Variants in PTGIS observed in about 807,000 individuals in gnomAD.
PTGIS encodes the protein prostacyclin synthase.
PTGIS carries 45 observed loss-of-function variants against 50.3 expected under a neutral mutation model. The ratio of observed to expected loss-of-function variants is 0.90; its 90% CI spans 0.70 to 1.15. The LOEUF (loss-of-function observed/expected upper bound fraction) is 1.15, where lower values mean the gene tolerates loss of function less well. PTGIS is among the 50% of genes most tolerant of loss of function. The probability of loss-of-function intolerance (pLI) is 0.00; values close to 1 mark genes in which losing one functional copy is unlikely to be tolerated. For synonymous variants in PTGIS, 260 were observed against 267.7 expected, an observed-to-expected ratio of 0.97 and a Z score of 0.28; for missense variants, 668 against 661.3, an observed-to-expected ratio of 1.01 and a Z score of -0.11.
Position 49,540,511 on chromosome 20 carries a change from G to A in PTGIS, c.522-790C>T, listed in dbSNP as rs981895942. Among the ~76,000 whole-genome samples, 2 of 152,138 alleles carry A rather than the reference G, an allele frequency of 1.3e-5. No individual in the cohort carries two copies. The highest frequency in any genetic ancestry group is 4.8e-5 in the African/African-American group (2 of 41,430). ...GGCCTGGGCTGTCAGGGCTGGCCACGCAAGGCAGGCATTTGCAGCAGTGAG... is the reference window on the plus strand; with the variant it reads ...GGCCTGGGCTGTCAGGGCTGGCCACACAAGGCAGGCATTTGCAGCAGTGAG... On this transcript the variant is annotated intron_variant, in intron 4 of 9. Transcript: ENST00000244043. The surrounding 1 kb of genome is among the most constrained non-coding windows in gnomAD (Gnocchi z 4.8).
intron 2 of PTGIS, among the ~76,000 whole-genome samples, chr20:49,549,102 T>G (rs1166727829): frequency 6.6e-6 from 1 of 152,034 alleles, no homozygotes; most frequent in East Asian, 1.9e-4. Context: ...GAGTGTTGGG[T>G]GGATAGTGGC....
intron 1 of PTGIS, among the ~76,000 whole-genome samples, chr20:49,563,179 A>G (rs1291734629): frequency 6.6e-6 from 1 of 152,150 alleles, no homozygotes; most frequent in Non-Finnish European, 1.5e-5. Flanking sequence ...TTTAATGGGG[A>G]ACAAAAGGGG....
Position 49,524,205 on chromosome 20 carries a change from G to A in PTGIS, c.708C>T (p.Arg236=). The change falls in exon 6 of 10, where the codon CGC becomes CGT. Residue 236 remains arginine, a synonymous_variant. Transcript: ENST00000244043. ...DKDHMCSVKS[R]LWKLLSPARL... The stretch of plus-strand genomic sequence containing the variant: ...TGGCTGGGGATAGCAGCTTCCACAG[G>A]CGACTTTTGACACTGCACATGTGGT... 6.2e-7 allele frequency: 1 copy of A among 1,614,200 alleles called. No individual in the cohort carries two copies. The highest frequency in any genetic ancestry group is 8.5e-7 in the Non-Finnish European group (1 of 1,180,030).
intron 4 of PTGIS, among the ~76,000 whole-genome samples, chr20:49,543,550 C>T (rs1982283359): frequency 6.6e-6 from 1 of 152,202 alleles, no homozygotes; most frequent in Non-Finnish European, 1.5e-5. Flanking sequence ...CTCCTTGGCT[C>T]TTTATGCTGT....
chr20:49,507,319 G>T lies in PTGIS; in HGVS notation c.*601C>A, dbSNP rs548006331. On this transcript the variant is annotated 3_prime_UTR_variant, in exon 10 of 10. Transcript: ENST00000244043. ...CCTGTTCTGCACCGGGAATGCATCA[G>T]CCTTGGGGGAAGCTCTCCTGCATTT... is the stretch of plus-strand genomic sequence containing the variant. 1 of 186,450 alleles carries T rather than the reference G, an allele frequency of 5.4e-6. No homozygotes were observed. Among genetic ancestry groups the T allele is most frequent in the Admixed American group, 5.3e-5 (1 of 18,728 alleles). 11.5% of individuals were successfully genotyped at this position (186,450 alleles called of 1,614,324 possible).
At chr20:49,545,383 G>A (rs1052253694) in intron 3 of PTGIS, among the ~76,000 whole-genome samples, 2 of 151,364 alleles carry the variant, frequency 1.3e-5, no homozygotes, top group African/African-American at 4.9e-5. Flanking sequence ...TCACACCACT[G>A]CACTCCAGCC....
At chr20:49,510,418 A>G (rs911444611) in intron 9 of PTGIS, among the ~76,000 whole-genome samples, 1 of 152,166 alleles carries the variant, frequency 6.6e-6, no homozygotes, top group African/African-American at 2.4e-5. Context: ...GAAAGATCCA[A>G]TTCATTTATC....
rs555803909 is a variant in PTGIS at position 49,540,166 on chromosome 20, G to A, written c.522-445C>T. On this transcript the variant is annotated intron_variant, in intron 4 of 9. Coordinates refer to ENST00000244043, the MANE Select transcript of PTGIS (RefSeq NM_000961.4). The surrounding 1 kb of genome is among the most constrained non-coding windows in gnomAD (Gnocchi z 4.8). ...AGGTGTGATGTCCTGGGGCAGGAGG[G>A]AGCCCGGTGCTGGGGAGCAGCAAGG... is the stretch of plus-strand genomic sequence containing the variant. 3.3e-5 allele frequency among the ~76,000 whole-genome samples: 5 copies of A among 152,282 alleles called. No individual in the cohort carries two copies. The South Asian group carries it at 8.3e-4, about 25-fold the overall frequency.
intron 5 of PTGIS, among the ~76,000 whole-genome samples, chr20:49,537,584 G>A (rs1488879824): frequency 1.3e-5 from 2 of 152,040 alleles, no homozygotes; most frequent in African/African-American, 4.8e-5. Context: ...GCGAAACACT[G>A]TCTCTACTAA....
intron 5 of PTGIS, among the ~76,000 whole-genome samples, chr20:49,533,442 T>A (rs1981987372): frequency 6.6e-6 from 1 of 152,142 alleles, no homozygotes; most frequent in Middle Eastern, 3.2e-3. Flanking sequence ...CCCTACTGTA[T>A]GAGAAACACC....
chr20:49,539,158 G>A (rs1428052538), intron 5 of PTGIS, among the ~76,000 whole-genome samples: 1 of 152,224 alleles, frequency 6.6e-6, no homozygotes, highest in Non-Finnish European at 1.5e-5. Flanking sequence ...TGCCTCTGTA[G>A]AGGGAAGTGG....
Position 49,550,074 on chromosome 20 carries a change from T to C in PTGIS, c.190A>G (p.Ile64Val), listed in dbSNP as rs752126956. The C allele has an allele frequency of 1.2e-6, 2 of 1,614,064 alleles. No individual in the cohort carries two copies. Among genetic ancestry groups the C allele is most frequent in the East Asian group, 2.2e-5 (1 of 44,890 alleles). The stretch of plus-strand genomic sequence containing the variant: ...GCACAAGAGGCACTTACAGTAAAGA[T>C]GTCACCGTGCTTCTCCTTCATCCTC... ...LTRMKEKHGDIFTILVGGRYV... is the reference protein window; with the variant it reads ...LTRMKEKHGDVFTILVGGRYV... The change falls in exon 2 of 10, where the codon ATC becomes GTC. Residue 64 changes from isoleucine (I) to valine (V), a missense_variant. Coordinates refer to ENST00000244043, the MANE Select transcript of PTGIS (RefSeq NM_000961.4).
chr20:49,567,268 T>A (rs1011766848), intron 1 of PTGIS, among the ~76,000 whole-genome samples: 1 of 152,204 alleles, frequency 6.6e-6, no homozygotes, highest in Non-Finnish European at 1.5e-5. Context: ...TTTGAGGCTG[T>A]CTTTACTTTT....
At chr20:49,564,427 A>G (rs1982846011) in intron 1 of PTGIS, among the ~76,000 whole-genome samples, 1 of 151,848 alleles carries the variant, frequency 6.6e-6, no homozygotes, top group East Asian at 1.9e-4. Context: ...AATTTTCTGT[A>G]TTTTTAGTAG....
intron 5 of PTGIS, among the ~76,000 whole-genome samples, chr20:49,536,391 A>G (rs1982067525): frequency 6.6e-6 from 1 of 152,170 alleles, no homozygotes; most frequent in Non-Finnish European, 1.5e-5. Context: ...TGACTATGAC[A>G]ATGCTTAACC....
intron 4 of PTGIS, among the ~76,000 whole-genome samples, chr20:49,541,032 C>T (rs956438118): frequency 2.0e-5 from 3 of 152,214 alleles, no homozygotes; most frequent in African/African-American, 4.8e-5. Flanking sequence ...CCCTCACCTG[C>T]ACAGTGGTGG....
chr20:49,508,125 C>T, intron 9 of PTGIS, 61 bp from the exon 10 acceptor site: 1 of 1,594,110 alleles, frequency 6.3e-7, no homozygotes, highest in Non-Finnish European at 8.6e-7. Context: ...TTATCGGGAA[C>T]AAGGCAGGGG....
At chr20:49,562,519 G>C (rs1022403044) in intron 1 of PTGIS, among the ~76,000 whole-genome samples, 1 of 152,230 alleles carries the variant, frequency 6.6e-6, no homozygotes, top group Non-Finnish European at 1.5e-5. Context: ...AGCCAGCGGG[G>C]GCGAAGGAGG....
At chr20:49,529,399 G>A (rs908189140) in intron 5 of PTGIS, among the ~76,000 whole-genome samples, 2 of 152,012 alleles carry the variant, frequency 1.3e-5, no homozygotes, top group African/African-American at 4.8e-5. Flanking sequence ...TTACAATATT[G>A]TCTTCCAAGT....
Sources: allele counts gnomAD v4.1 joint callset (sites outside exome capture counted in the v4.1 genomes callset), GRCh38; gene constraint gnomAD v4.1.1; non-coding constraint Gnocchi (gnomAD v3.1); transcripts MANE v1.5; gene names NCBI Gene and HGNC (gene_info 2026-07-23, HGNC 2026-07-21).